Variants in MTA3 observed in about 807,000 individuals in gnomAD.
The protein encoded by MTA3 is metastasis associated 1 family member 3, also known as metastasis-associated protein MTA3.
Under a neutral mutation model 83.5 loss-of-function variants are expected in MTA3, and 34 were observed. That is an observed-to-expected ratio of 0.41 (90% CI 0.31 to 0.54). The LOEUF (loss-of-function observed/expected upper bound fraction) is 0.54, where lower values mean the gene tolerates loss of function less well. Among genes scored for constraint, MTA3 ranks in the 20% least tolerant of loss-of-function variants. The pLI is 0.33. For synonymous variants in MTA3, 303 were observed against 252.7 expected (o/e 1.20, Z -1.89); for missense variants, 761 against 726.4 (o/e 1.05, Z -0.55).
At chr2:42,610,452 C>G (rs991606557) in intron 4 of MTA3, among the ~76,000 whole-genome samples, 3 of 152,170 alleles carry the variant, frequency 2.0e-5, no homozygotes, top group African/African-American at 4.8e-5. Context: ...GGCGATATCT[C>G]TGGTTCTCTA....
At chr2:42,683,804 G>A (rs994376534) in intron 9 of MTA3, among the ~76,000 whole-genome samples, 13 of 152,170 alleles carry the variant, frequency 8.5e-5, no homozygotes, top group African/African-American at 2.9e-4. Flanking sequence ...GGGAGTGGCT[G>A]TAAATACAGA....
chr2:42,729,093 T>TTTTTTG (rs1558626000), intron 16 of MTA3, among the ~76,000 whole-genome samples: 6 of 37,118 alleles, frequency 1.6e-4, no homozygotes, highest in African/African-American at 1.4e-3. Flanking sequence ...TGAGTTTTTT[T>TTTTTTG]TTTTTTTTTT....
intron 3 of MTA3, among the ~76,000 whole-genome samples, chr2:42,601,979 A>G (rs1456067344): frequency 6.6e-6 from 1 of 152,162 alleles, no homozygotes; most frequent in East Asian, 1.9e-4. Context: ...AGCTGGGATT[A>G]CAGTCACCCA....
At chr2:42,527,980 A>G (rs968045723) in intron 2 of MTA3, among the ~76,000 whole-genome samples, 2 of 152,104 alleles carry the variant, frequency 1.3e-5, no homozygotes, top group Admixed American at 6.5e-5. Flanking sequence ...GGACCAGTAC[A>G]GTGGTGCAAT....
chr2:42,626,586 G>A (rs755145207), intron 4 of MTA3, among the ~76,000 whole-genome samples: 2 of 151,980 alleles, frequency 1.3e-5, no homozygotes, highest in Non-Finnish European at 2.9e-5. Context: ...GTGGGCCACC[G>A]CACCTGGCCT....
At chr2:42,530,178 C>G (rs1187144361) in intron 2 of MTA3, among the ~76,000 whole-genome samples, 3 of 132,336 alleles carry the variant, frequency 2.3e-5, no homozygotes, top group Non-Finnish European at 4.9e-5. Flanking sequence ...GAGCAAAACT[C>G]CATCTCAAAA....
At chr2:42,736,341 G>C (rs1350129558) in intron 16 of MTA3, among the ~76,000 whole-genome samples, 1 of 152,176 alleles carries the variant, frequency 6.6e-6, no homozygotes, top group Admixed American at 6.5e-5. Context: ...GATGACACAA[G>C]CACCCCTGTG....
intron 4 of MTA3, among the ~76,000 whole-genome samples, chr2:42,616,785 G>T (rs1684948891): frequency 6.6e-6 from 1 of 151,572 alleles, no homozygotes; most frequent in African/African-American, 2.4e-5. Flanking sequence ...CGTTGTGTTG[G>T]CCAGGCTGTT....
intron 4 of MTA3, among the ~76,000 whole-genome samples, chr2:42,631,537 G>C (rs866193042): frequency 1.2e-4 from 18 of 152,016 alleles, no homozygotes; most frequent in African/African-American, 4.1e-4. Context: ...GGCTACATAG[G>C]TGTATATATT....
intron 1 of MTA3, 58 bp downstream of exon 1, chr2:42,568,831 C>G (rs1678116535): frequency 8.3e-7 from 1 of 1,210,428 alleles, no homozygotes. Context: ...AGCGGGGGGC[C>G]GGGGCGAGTG....
At chr2:42,641,268 AG>A (rs1687672612) in intron 5 of MTA3, among the ~76,000 whole-genome samples, 1 of 151,378 alleles carries the variant, frequency 6.6e-6, no homozygotes, top group South Asian at 2.1e-4. Context: ...TCTCAAATGA[AG>A]AAAATATAAC....
At chr2:42,588,723 G>A (rs768844767) in intron 3 of MTA3, among the ~76,000 whole-genome samples, 2 of 151,844 alleles carry the variant, frequency 1.3e-5, no homozygotes, top group African/African-American at 2.4e-5. Context: ...TGTTTTACCC[G>A]AGAAAGAGAA....
intron 3 of MTA3, among the ~76,000 whole-genome samples, chr2:42,597,212 A>AT (rs1444651740): frequency 6.6e-6 from 1 of 151,730 alleles, no homozygotes; most frequent in Non-Finnish European, 1.5e-5. Flanking sequence ...ACACCTGGCC[A>AT]TCTTTTTAAA....
intron 2 of MTA3, among the ~76,000 whole-genome samples, chr2:42,540,320 C>A (rs1449063891): frequency 6.6e-6 from 1 of 151,514 alleles, no homozygotes; most frequent in East Asian, 2.0e-4. Context: ...ACTACAGGCA[C>A]ATGCCACCAC....
At chr2:42,504,430 G>A (rs1166753148) in intron 2 of MTA3, among the ~76,000 whole-genome samples, 1 of 152,012 alleles carries the variant, frequency 6.6e-6, no homozygotes, top group Non-Finnish European at 1.5e-5. Context: ...TAGTAGAGAT[G>A]GCGTTTCGCC....
chr2:42,574,258 C>T (rs1168770463), intron 2 of MTA3, among the ~76,000 whole-genome samples: 1 of 151,708 alleles, frequency 6.6e-6, no homozygotes, highest in Non-Finnish European at 1.5e-5. Flanking sequence ...CCTCAGCCTC[C>T]TGAGCAGCTG....
At chr2:42,521,299 C>T (rs986511021) in intron 2 of MTA3, among the ~76,000 whole-genome samples, 2 of 152,114 alleles carry the variant, frequency 1.3e-5, no homozygotes, top group Non-Finnish European at 2.9e-5. Context: ...TCAGAGTGGA[C>T]CTGAGGCCTG....
chr2:42,599,617 T>C (rs1222009334), intron 3 of MTA3, among the ~76,000 whole-genome samples: 1 of 151,930 alleles, frequency 6.6e-6, no homozygotes, highest in Non-Finnish European at 1.5e-5. Flanking sequence ...GTAGTGGTAA[T>C]TCATGTGGGT....
intron 16 of MTA3, among the ~76,000 whole-genome samples, chr2:42,740,534 A>G (rs1474390296): frequency 6.6e-6 from 1 of 152,238 alleles, no homozygotes. Flanking sequence ...TCAGTGAATG[A>G]ATCCATTCAT....
Sources: allele counts gnomAD v4.1 joint callset (sites outside exome capture counted in the v4.1 genomes callset), GRCh38; gene constraint gnomAD v4.1.1; transcripts MANE v1.5; gene names NCBI Gene and HGNC (gene_info 2026-07-23, HGNC 2026-07-21).